The following DEPDC4 variants were observed in gnomAD, a reference collection of about 807,000 sequenced individuals.
The protein encoded by DEPDC4 is DEP domain-containing protein 4.
Under a neutral mutation model 52.0 loss-of-function variants are expected in DEPDC4, and 52 were observed. The ratio of observed to expected loss-of-function variants is 1.00; its 90% confidence interval spans 0.80 to 1.26. The LOEUF (loss-of-function observed/expected upper bound fraction) is 1.26. DEPDC4 is among the 50% of genes most tolerant of loss of function. DEPDC4 has a pLI of 0.00. For missense variants in DEPDC4, 530 were observed against 546.9 expected (o/e 0.97, Z 0.31); for synonymous variants, 201 against 196.8 (o/e 1.02, Z -0.18).
intron 1 of DEPDC4, among the ~76,000 whole-genome samples, chr12:100,264,511 T>A (rs1185968540): frequency 6.6e-6 from 1 of 151,990 alleles, no homozygotes; most frequent in Non-Finnish European, 1.5e-5. Flanking sequence ...AGACTCCACC[T>A]CTACTAAAAA....
At chr12:100,268,497 A>G (rs189075076), upstream of DEPDC4, among the ~76,000 whole-genome samples, 12 of 152,342 alleles carry the variant, frequency 7.9e-5, no homozygotes, top group East Asian at 2.1e-3. Flanking sequence ...TCTTGAGGCA[A>G]CATTAAACTG....
At chr12:100,246,608 G>A (rs901268587) in intron 8 of DEPDC4, among the ~76,000 whole-genome samples, 1 of 152,160 alleles carries the variant, frequency 6.6e-6, no homozygotes, top group African/African-American at 2.4e-5. Context: ...ACAAATCCTG[G>A]CTGTCAGAAG....
In DEPDC4 at chr12:100,252,539, G is replaced by A; in HGVS notation, c.1106-3C>T. The A allele has an allele frequency of 6.3e-7, 1 of 1,585,960 alleles. No individual in the cohort carries two copies. Among genetic ancestry groups the A allele is most frequent in the South Asian group, 1.2e-5 (1 of 86,876 alleles). ...TGCTTCTGCTCTTTTCTCATTTTCT[G>A]TTATATAGGTTACAAAGAAAACAAA... On this transcript the variant is annotated splice_polypyrimidine_tract_variant and splice_region_variant and intron_variant, in intron 5 of 9. Coordinates refer to ENST00000550587, the MANE Select transcript of DEPDC4 (RefSeq NM_001364818.2).
At chr12:100,263,435 A>C in intron 2 of DEPDC4, 62 bp downstream of exon 2, 1 of 1,374,704 alleles carries the variant, frequency 7.3e-7, no homozygotes, top group South Asian at 1.6e-5. Flanking sequence ...AGTTTAGCTC[A>C]ATAAAGACAG....
intron 4 of DEPDC4, among the ~76,000 whole-genome samples, chr12:100,255,716 C>A (rs2096229747): frequency 6.6e-6 from 1 of 152,114 alleles, no homozygotes; most frequent in Non-Finnish European, 1.5e-5. Context: ...ACTACGGTTT[C>A]TTTTAGGGCA....
Position 100,244,091 on chromosome 12 carries a change from C to CTG in DEPDC4, c.1454-1524_1454-1523dup, listed in dbSNP as rs201487180. Among the ~76,000 whole-genome samples, 15 of 35,016 alleles carry CTG rather than the reference C, an allele frequency of 4.3e-4. No individual in the cohort carries two copies. In the Middle Eastern group the frequency reaches 0.043, roughly 100 times the overall value. The allele number at this position is 35,016 out of a possible 152,430, so 23.0% of individuals were successfully genotyped here. The stretch of plus-strand genomic sequence containing the variant: ...TCTCCCTCTCTCTCTCTCTCTCTCT[C>CTG]TGTGTATATATATATATATATATAT... On this transcript the variant is annotated intron_variant, in intron 8 of 9. Transcript: ENST00000550587.
intron 8 of DEPDC4, among the ~76,000 whole-genome samples, chr12:100,243,814 C>T (rs1300772960): frequency 3.9e-5 from 6 of 151,994 alleles, no homozygotes; most frequent in African/African-American, 1.4e-4. Flanking sequence ...CTTCCCACTG[C>T]AACCTGGATT....
downstream of DEPDC4, chr12:100,238,238 C>G (rs557059140): frequency 1.2e-5 from 2 of 163,174 alleles, no homozygotes; most frequent in East Asian, 3.9e-4. Flanking sequence ...GCGATGGCAC[C>G]ATCTCGGCAA....
downstream of DEPDC4, among the ~76,000 whole-genome samples, chr12:100,236,642 T>C (rs1308725982): frequency 1.3e-5 from 2 of 152,246 alleles, no homozygotes; most frequent in East Asian, 1.9e-4. Flanking sequence ...CTCTGTTTAC[T>C]GTGCAGACTG....
At chr12:100,267,109 G>T, upstream of DEPDC4, 2 of 1,607,138 alleles carry the variant, frequency 1.2e-6, no homozygotes, top group Non-Finnish European at 1.7e-6. Context: ...GGGGCGGAGA[G>T]AAGTACTGGC....
chr12:100,273,891 T>C, the DEPDC4 span, among the ~76,000 whole-genome samples: 2 of 152,224 alleles, frequency 1.3e-5, no homozygotes, highest in Non-Finnish European at 2.9e-5. Flanking sequence ...TATAACAAGA[T>C]GCACGGCATT....
At chr12:100,248,213 C>G (rs560358031) in intron 8 of DEPDC4, among the ~76,000 whole-genome samples, 4 of 151,946 alleles carry the variant, frequency 2.6e-5, no homozygotes, top group Non-Finnish European at 4.4e-5. Context: ...CTATTAATAG[C>G]ATAAATATTA....
At chr12:100,254,671 A>C (rs1592890897) in intron 4 of DEPDC4, among the ~76,000 whole-genome samples, 1 of 145,518 alleles carries the variant, frequency 6.9e-6, no homozygotes, top group Non-Finnish European at 1.5e-5. Flanking sequence ...CTTCCTCTCT[A>C]CCTCCCTCTC....
downstream of DEPDC4, among the ~76,000 whole-genome samples, chr12:100,235,575 CTT>C (rs559958759): frequency 4.1e-5 from 6 of 145,084 alleles, no homozygotes; most frequent in Non-Finnish European, 4.6e-5. Context: ...CTGTATCATT[CTT>C]TTTTTTTTTT....
At position 100,252,210 on chromosome 12, in the gene DEPDC4, C is replaced by A; in HGVS notation, c.1340G>T (p.Trp447Leu). Reference protein sequence around the residue: ...LLKVRAEQLVWFPLEYHSELF... With the variant: ...LLKVRAEQLVLFPLEYHSELF... ...CTCAGAGTGGTACTCCAGTGGAAAC[C>A]AGACCAGTTGTTCTGCCCGCACTTT... Residue 447 changes from tryptophan (W) to leucine (L), a missense_variant, in exon 7 of 10, where the codon TGG becomes TTG. Trp to Leu is a moderately conservative substitution (Grantham distance 61). Transcript: ENST00000550587. 1 of 1,287,866 alleles carries A rather than the reference C, an allele frequency of 7.8e-7. No homozygotes were observed. The highest frequency in any genetic ancestry group is 9.9e-7 in the Non-Finnish European group (1 of 1,008,338). 79.8% of individuals were successfully genotyped at this position (1,287,866 alleles called of 1,614,324 possible). A position where few individuals can be genotyped will look rare whatever the true frequency, so the allele number is the denominator to read the frequency against.
intron 3 of DEPDC4, chr12:100,261,688 G>GC (rs2096254143): frequency 2.2e-6 from 1 of 456,522 alleles, no homozygotes; most frequent in African/African-American, 2.0e-5. Context: ...CACAGTCATT[G>GC]TAAAAAATGA....
At chr12:100,269,600 T>A (rs1444472805), upstream of DEPDC4, among the ~76,000 whole-genome samples, 1 of 152,194 alleles carries the variant, frequency 6.6e-6, no homozygotes, top group Non-Finnish European at 1.5e-5. Flanking sequence ...CTTATAACAA[T>A]CACTTGAGGT....
At chr12:100,248,797 C>T in intron 8 of DEPDC4, 103 bp downstream of exon 8, 1 of 408,252 alleles carries the variant, frequency 2.4e-6, no homozygotes, top group Non-Finnish European at 3.3e-6. Flanking sequence ...CTTTTTACAA[C>T]ATTTTACATA....
the DEPDC4 span, among the ~76,000 whole-genome samples, chr12:100,277,599 T>C: frequency 3.3e-5 from 5 of 152,214 alleles, no homozygotes; most frequent in African/African-American, 7.2e-5. Context: ...TTTTATACTT[T>C]TAAAGTGGGT....
Sources: gnomAD v4.1 joint callset for allele counts (sites outside exome capture counted in the v4.1 genomes callset) on GRCh38, gnomAD v4.1.1 for gene constraint, MANE v1.5 for transcripts, NCBI Gene and HGNC (gene_info 2026-07-23, HGNC 2026-07-21) for gene names.